Variants in PPDPFL observed in about 807,000 individuals in gnomAD.
The protein encoded by PPDPFL is pancreatic progenitor cell differentiation and proliferation factor like.
PPDPFL carries 12 observed loss-of-function variants against 12.6 expected under a neutral mutation model. The observed-to-expected ratio is 0.95, with a 90% CI of 0.61 to 1.54. PPDPFL has a LOEUF of 1.54. Ranked by LOEUF, PPDPFL falls within the 40% of genes most tolerant of loss-of-function variation. The probability of loss-of-function intolerance (pLI) is 0.00; values close to 1 mark genes in which losing one functional copy is unlikely to be tolerated. For synonymous variants in PPDPFL, 24 were observed against 32.7 expected, an observed-to-expected ratio of 0.73 and a Z score of 0.91; for missense variants, 114 against 96.0, an observed-to-expected ratio of 1.19 and a Z score of -0.78.
At chr8:49,073,916 G>T (rs1008657315) in intron 2 of PPDPFL, 143 bp from the exon 3 acceptor site, 6 of 620,378 alleles carry the variant, frequency 9.7e-6, no homozygotes, top group African/African-American at 9.2e-5. Flanking sequence ...TTGGTAATTT[G>T]ATCAGTTTTT....
chr8:49,069,034 T>C (rs925450387), upstream of PPDPFL, among the ~76,000 whole-genome samples: 12 of 152,298 alleles, frequency 7.9e-5, no homozygotes, highest in Middle Eastern at 3.4e-3. Context: ...ATATACTTTA[T>C]GATTACTCAG....
At chr8:49,063,239 A>G (rs1042382330) in intron 1 of PPDPFL, among the ~76,000 whole-genome samples, 3 of 152,190 alleles carry the variant, frequency 2.0e-5, no homozygotes, top group Non-Finnish European at 2.9e-5. Flanking sequence ...GGCACAATCC[A>G]TGGCTGGCAG....
At chr8:49,054,575 G>A (rs563908514) in intron 1 of PPDPFL, among the ~76,000 whole-genome samples, 13 of 151,994 alleles carry the variant, frequency 8.6e-5, no homozygotes, top group Non-Finnish European at 1.3e-4. Flanking sequence ...GTGGATTTTC[G>A]GTTGCTCAGG....
chr8:49,062,706 G>A (rs541877142), intron 1 of PPDPFL, among the ~76,000 whole-genome samples: 18 of 152,306 alleles, frequency 1.2e-4, no homozygotes, highest in Admixed American at 3.3e-4. Context: ...CAGAATAGCA[G>A]CACAGGATGC....
At chr8:49,069,747 T>C (rs1808349563), upstream of PPDPFL, among the ~76,000 whole-genome samples, 1 of 152,152 alleles carries the variant, frequency 6.6e-6, no homozygotes, top group South Asian at 2.1e-4. Context: ...CCATCCTGGC[T>C]AACACGGTGA....
intron 1 of PPDPFL, among the ~76,000 whole-genome samples, chr8:49,060,975 C>G (rs1458289322): frequency 6.6e-6 from 1 of 151,982 alleles, no homozygotes; most frequent in Admixed American, 6.6e-5. Flanking sequence ...GTAAACTCCC[C>G]CTACATAGTC....
intron 1 of PPDPFL, among the ~76,000 whole-genome samples, chr8:49,065,715 A>T (rs565874594): frequency 1.3e-5 from 2 of 152,306 alleles, no homozygotes; most frequent in East Asian, 3.9e-4. Flanking sequence ...AGTGGAAGGA[A>T]ATGACTGGGC....
chr8:49,066,335 G>A (rs1339816881), intron 1 of PPDPFL, among the ~76,000 whole-genome samples: 1 of 152,164 alleles, frequency 6.6e-6, no homozygotes, highest in East Asian at 1.9e-4. Flanking sequence ...AGCCCGCTGG[G>A]GGCTCTGTGT....
chr8:49,067,226 A>G (rs1563299711), intron 1 of PPDPFL, among the ~76,000 whole-genome samples: 1 of 152,204 alleles, frequency 6.6e-6, no homozygotes, highest in Non-Finnish European at 1.5e-5. Flanking sequence ...GTCAATAACT[A>G]GTTTTTGGCA....
At chr8:49,061,414 C>A (rs1216964763) in intron 1 of PPDPFL, among the ~76,000 whole-genome samples, 1 of 152,134 alleles carries the variant, frequency 6.6e-6, no homozygotes. Context: ...ACATAAATGT[C>A]TCTTGTTTAA....
chr8:49,056,913 A>G (rs1808119578), intron 1 of PPDPFL, among the ~76,000 whole-genome samples: 1 of 152,192 alleles, frequency 6.6e-6, no homozygotes, highest in East Asian at 1.9e-4. Flanking sequence ...TGTTACTTTG[A>G]ACCATACCTT....
chr8:49,070,801 A>G (rs1309229512), upstream of PPDPFL, among the ~76,000 whole-genome samples: 2 of 152,220 alleles, frequency 1.3e-5, no homozygotes, highest in East Asian at 1.9e-4. Flanking sequence ...TATACATGCT[A>G]AAATGATTAC....
chr8:49,075,601 T>A lies in PPDPFL; in HGVS notation c.*428T>A. 3.6e-6 allele frequency: 1 copy of A among 279,742 alleles called. No homozygotes were observed. The highest frequency in any genetic ancestry group is 7.4e-5 in the East Asian group (1 of 13,594). 17.3% of individuals were successfully genotyped at this position (279,742 alleles called of 1,614,324 possible). A position where few individuals can be genotyped will look rare whatever the true frequency, so the allele number is the denominator to read the frequency against. ...TATTAAAAAAACTTAAGTTAGACTC[T>A]TTTTCTGTCTGTTGAGTGATTTATT... On this transcript the variant is annotated 3_prime_UTR_variant, in exon 5 of 5. Transcript: ENST00000522267.
chr8:49,064,054 G>A (rs1808255567), intron 1 of PPDPFL, among the ~76,000 whole-genome samples: 1 of 152,124 alleles, frequency 6.6e-6, no homozygotes, highest in Non-Finnish European at 1.5e-5. Flanking sequence ...TGTTACTGAA[G>A]CGCCAGATCT....
At chr8:49,063,185 T>C (rs1307042648) in intron 1 of PPDPFL, among the ~76,000 whole-genome samples, 1 of 152,168 alleles carries the variant, frequency 6.6e-6, no homozygotes, top group African/African-American at 2.4e-5. Context: ...TATCCACTGG[T>C]CGTAATGGCC....
At chr8:49,060,343 C>T (rs894937405) in intron 1 of PPDPFL, among the ~76,000 whole-genome samples, 16 of 152,042 alleles carry the variant, frequency 1.1e-4, no homozygotes, top group Non-Finnish European at 1.6e-4. Context: ...GACAGAGTTT[C>T]GGTCTTGTTG....
chr8:49,074,152 T>C lies in PPDPFL; in HGVS notation c.133+16T>C. ...CCACAGCAAGGTACTTAGTTATTTC[T>C]TTCAGTGTCATCCTTATTATTTCTT... is the stretch of plus-strand genomic sequence containing the variant. On this transcript the variant is annotated intron_variant, in intron 3 of 4. Transcript: ENST00000522267. 2 of 1,606,896 alleles carry C rather than the reference T, an allele frequency of 1.2e-6. No individual in the cohort carries two copies. Among genetic ancestry groups the C allele is most frequent in the Non-Finnish European group, 1.7e-6 (2 of 1,173,574 alleles).
In PPDPFL at chr8:49,060,476, G is replaced by A. The variant is rs147110407; in HGVS notation, c.-45+6107G>A. Among the ~76,000 whole-genome samples the A allele has an allele frequency of 1.4e-4, 21 of 152,100 alleles. No individual in the cohort carries two copies. The East Asian group carries it at 4.1e-3, about 30-fold the overall frequency. On this transcript the variant is annotated intron_variant, in intron 1 of 4. Transcript: ENST00000517663. ...TTACAGGCATGCGGCACCACACCTG[G>A]CTAATTTTGTATTTTTAGTAGAGAC... is the stretch of plus-strand genomic sequence containing the variant.
intron 1 of PPDPFL, among the ~76,000 whole-genome samples, chr8:49,062,019 G>C (rs955401705): frequency 8.5e-6 from 1 of 117,566 alleles, no homozygotes. Context: ...TGTCCTTGCT[G>C]GATCTACACC....
Sources: gnomAD v4.1 joint callset for allele counts (sites outside exome capture counted in the v4.1 genomes callset) on GRCh38, gnomAD v4.1.1 for gene constraint, MANE v1.5 for transcripts, NCBI Gene and HGNC (gene_info 2026-07-23, HGNC 2026-07-21) for gene names.